Variants in CSMD1 observed in about 807,000 individuals in gnomAD.
CSMD1 encodes the protein CUB and Sushi multiple domains 1.
CSMD1 carries 213 observed loss-of-function variants against 417.5 expected under a neutral mutation model. The observed-to-expected ratio is 0.51, with a 90% CI of 0.46 to 0.57. The LOEUF is 0.57. Ranked by LOEUF, CSMD1 falls within the 20% of genes least tolerant of loss-of-function variation. CSMD1 has a pLI of 0.00. For missense variants in CSMD1, 6,923 were observed against 4,529.7 expected (o/e 1.53, Z -15.17); for synonymous variants, 2,862 against 1,736.8 (o/e 1.65, Z -16.11).
intron 2 of CSMD1, among the ~76,000 whole-genome samples, chr8:4,465,226 C>T (rs6999093): frequency 0.17 from 26,335 of 152,146 alleles, 2,624 homozygotes; most frequent in African/African-American, 0.27. Context: ...TACACATTTG[C>T]TCTGAAGTTT....
At chr8:3,879,127 C>G (rs148634312) in intron 5 of CSMD1, among the ~76,000 whole-genome samples, 7 of 152,090 alleles carry the variant, frequency 4.6e-5, no homozygotes, top group Non-Finnish European at 8.8e-5. Context: ...GGTGTTCAAA[C>G]AATCATTTTG....
At chr8:3,641,282 A>C (rs1162050395) in intron 7 of CSMD1, among the ~76,000 whole-genome samples, 1 of 152,014 alleles carries the variant, frequency 6.6e-6, no homozygotes, top group Non-Finnish European at 1.5e-5. Flanking sequence ...AGTGGCAGTG[A>C]TTCCCAGCCT....
intron 1 of CSMD1, among the ~76,000 whole-genome samples, chr8:4,930,348 T>C (rs1166948409): frequency 6.6e-6 from 1 of 152,186 alleles, no homozygotes; most frequent in Non-Finnish European, 1.5e-5. Flanking sequence ...AATGTAATTC[T>C]GATTTCATTC....
At chr8:4,499,804 C>G (rs528431130) in intron 2 of CSMD1, among the ~76,000 whole-genome samples, 166 of 152,284 alleles carry the variant, frequency 1.1e-3, no homozygotes, top group Non-Finnish European at 2.0e-3. Flanking sequence ...AATTTGCATA[C>G]AAGAGCTATA....
chr8:3,303,549 A>C (rs941963502), intron 25 of CSMD1, among the ~76,000 whole-genome samples: 7 of 152,198 alleles, frequency 4.6e-5, no homozygotes, highest in Non-Finnish European at 1.0e-4. Flanking sequence ...CTATACTACC[A>C]AATGCAATTT....
intron 5 of CSMD1, among the ~76,000 whole-genome samples, chr8:3,912,347 A>G (rs1466324949): frequency 2.0e-4 from 30 of 152,154 alleles, no homozygotes; most frequent in Non-Finnish European, 5.9e-5. Flanking sequence ...TTCAGTCAAA[A>G]CATGTATTTA....
intron 46 of CSMD1, among the ~76,000 whole-genome samples, chr8:3,105,039 G>C (rs1450170194): frequency 6.6e-6 from 1 of 152,210 alleles, no homozygotes; most frequent in African/African-American, 2.4e-5. Flanking sequence ...TCCATGCACA[G>C]GTGTGAGCAT....
intron 3 of CSMD1, among the ~76,000 whole-genome samples, chr8:4,273,046 G>A (rs1222745422): frequency 1.3e-5 from 2 of 152,038 alleles, no homozygotes; most frequent in East Asian, 1.9e-4. Context: ...TAAAAATGGG[G>A]ATCATTATGT....
intron 37 of CSMD1, among the ~76,000 whole-genome samples, chr8:3,170,866 T>C (rs1033058928): frequency 1.2e-4 from 18 of 152,214 alleles, no homozygotes; most frequent in Admixed American, 6.5e-4. Flanking sequence ...ACCTAATAAT[T>C]ACATCACATG....
intron 6 of CSMD1, among the ~76,000 whole-genome samples, chr8:3,751,367 T>C (rs554700077): frequency 6.8e-6 from 1 of 148,134 alleles, no homozygotes; most frequent in Non-Finnish European, 1.5e-5. Context: ...TACATCTATA[T>C]ATAAATTATT....
At position 3,100,493 on chromosome 8, in the gene CSMD1, T is replaced by G. The variant is rs533698645; in HGVS notation, c.6950-3456A>C. 2.6e-5 allele frequency among the ~76,000 whole-genome samples: 4 copies of G among 152,344 alleles called. No homozygotes were observed. The East Asian group carries it at 5.8e-4, about 22-fold the overall frequency. ...TGAAAGGGACCGCAGTGCGGTCCTA[T>G]AGCTGAGATGTTTATTTCTTAGCAG... is the stretch of plus-strand genomic sequence containing the variant. On this transcript the variant is annotated intron_variant, in intron 46 of 69. Coordinates refer to ENST00000635120, the MANE Select transcript of CSMD1 (RefSeq NM_033225.6).
intron 5 of CSMD1, among the ~76,000 whole-genome samples, chr8:3,969,991 T>G (rs1013131149): frequency 2.6e-5 from 4 of 152,206 alleles, no homozygotes; most frequent in African/African-American, 9.7e-5. Flanking sequence ...CAGTCAACAT[T>G]TGATTCAGTA....
chr8:4,258,622 T>C (rs1803654340), intron 3 of CSMD1, among the ~76,000 whole-genome samples: 1 of 90,894 alleles, frequency 1.1e-5, no homozygotes, highest in African/African-American at 4.0e-5. Context: ...GGGGCACTCA[T>C]TCTAACATGA....
chr8:4,646,970 T>A (rs2617043), intron 1 of CSMD1, among the ~76,000 whole-genome samples: 91,736 of 152,014 alleles, frequency 0.6, 28,002 homozygotes, highest in Admixed American at 0.71. Flanking sequence ...ACATTTTCTC[T>A]CTCCCGGGAT....
chr8:3,035,987 T>C (rs1585198501), intron 50 of CSMD1, among the ~76,000 whole-genome samples: 1 of 152,172 alleles, frequency 6.6e-6, no homozygotes, highest in South Asian at 2.1e-4. Flanking sequence ...CCATTGACTA[T>C]GTTGATATGG....
chr8:2,982,620 C>T lies in CSMD1; in HGVS notation c.8378-3820G>A, dbSNP rs1444208655. Among the ~76,000 whole-genome samples the T allele has an allele frequency of 2.0e-5, 3 of 152,200 alleles. No individual in the cohort carries two copies. The East Asian group carries it at 5.8e-4, about 29-fold the overall frequency. On this transcript the variant is annotated intron_variant, in intron 54 of 69. Coordinates refer to ENST00000635120, the MANE Select transcript of CSMD1 (RefSeq NM_033225.6). ...GCATGCCTCACACCGTAGTAGGTCT[C>T]AGCAAAGCACCCGCACTATGACCGC...
intron 2 of CSMD1, among the ~76,000 whole-genome samples, chr8:4,602,538 G>T (rs1200146655): frequency 1.3e-5 from 2 of 152,144 alleles, no homozygotes; most frequent in African/African-American, 2.4e-5. Flanking sequence ...GGAACATATT[G>T]GTCATTATAG....
rs150596427 is a variant in CSMD1 at position 4,569,729 on chromosome 8, G to C, written c.302+67613C>G. 1.3e-5 allele frequency among the ~76,000 whole-genome samples: 2 copies of C among 152,060 alleles called. 1 individual carries two copies. Among genetic ancestry groups the C allele is most frequent in the Admixed American group, 1.3e-4 (2 of 15,260 alleles). On this transcript the variant is annotated intron_variant, in intron 2 of 69. Coordinates refer to ENST00000635120, the MANE Select transcript of CSMD1 (RefSeq NM_033225.6). ...GCATTGAATCTATATATTACTTTGGGCAGTATGGCCATTTTCACAATATTG... is the reference window on the plus strand; with the variant it reads ...GCATTGAATCTATATATTACTTTGGCCAGTATGGCCATTTTCACAATATTG...
intron 3 of CSMD1, among the ~76,000 whole-genome samples, chr8:4,152,705 A>T (rs935774814): frequency 6.6e-6 from 1 of 152,048 alleles, no homozygotes; most frequent in East Asian, 1.9e-4. Flanking sequence ...AGAAAAAAAA[A>T]ATCCTTTACA....
Sources: gnomAD v4.1 joint callset for allele counts (sites outside exome capture counted in the v4.1 genomes callset) on GRCh38, gnomAD v4.1.1 for gene constraint, MANE v1.5 for transcripts, NCBI Gene and HGNC (gene_info 2026-07-23, HGNC 2026-07-21) for gene names.